The following FER1L6 variants were observed in gnomAD, a reference collection of about 807,000 sequenced individuals.
The protein encoded by FER1L6 is fer-1 like family member 6.
Under a neutral mutation model 219.2 loss-of-function variants are expected in FER1L6, and 177 were observed. That is an observed-to-expected ratio of 0.81 (90% CI 0.71 to 0.91). FER1L6 has a LOEUF of 0.91. FER1L6 is among the 40% of genes least tolerant of loss of function. The pLI, the probability that FER1L6 is intolerant of heterozygous loss-of-function variation, is 0.00. For synonymous variants in FER1L6, 768 were observed against 824.3 expected, an observed-to-expected ratio of 0.93 and a Z score of 1.17; for missense variants, 2,153 against 2,259.9, an observed-to-expected ratio of 0.95 and a Z score of 0.96.
intron 1 of FER1L6, among the ~76,000 whole-genome samples, chr8:123,931,582 A>C (rs1049165208): frequency 6.6e-6 from 1 of 152,248 alleles, no homozygotes; most frequent in Non-Finnish European, 1.5e-5. Context: ...CAGTGCAGGA[A>C]AGACCTGTTA....
At position 123,966,196 on chromosome 8, in the gene FER1L6, G is replaced by A. The variant is rs751888205; in HGVS notation, c.290G>A (p.Gly97Asp). 8 of 1,614,012 alleles carry A rather than the reference G, an allele frequency of 5.0e-6. No homozygotes were observed. In the East Asian group the frequency reaches 1.3e-4, roughly 27 times the overall value. Residue 97 changes from glycine (G) to aspartate (D), a missense_variant, in exon 5 of 41, where the codon GGT becomes GAT. Physicochemically the swap from Gly to Asp is moderately conservative, Grantham distance 94. Coordinates refer to ENST00000522917, the MANE Select transcript of FER1L6 (RefSeq NM_001039112.2). ...ATCACCGAGGCTCGCCAGCTGGTGG[G>A]TGAGAACATTGACCCAGTTGTGACC... Reference protein sequence around the residue: ...ITITEARQLVGENIDPVVTIE... With the variant: ...ITITEARQLVDENIDPVVTIE...
chr8:123,888,787 A>G (rs1817250816), intron 1 of FER1L6, among the ~76,000 whole-genome samples: 1 of 152,164 alleles, frequency 6.6e-6, no homozygotes, highest in Non-Finnish European at 1.5e-5. Context: ...GGCAAAAGCT[A>G]TTGGATGTTT....
chr8:123,870,325 T>C (rs924235525), intron 1 of FER1L6, among the ~76,000 whole-genome samples: 4 of 152,194 alleles, frequency 2.6e-5, no homozygotes, highest in Non-Finnish European at 5.9e-5. Flanking sequence ...TGAAAACCGA[T>C]GTCCACAGAA....
chr8:124,049,532 G>C, intron 21 of FER1L6, 75 bp from the exon 22 acceptor site: 2 of 1,493,260 alleles, frequency 1.3e-6, no homozygotes, highest in East Asian at 2.3e-5. Context: ...TTTTGTGGAG[G>C]TGATGGCATT....
chr8:124,082,630 T>C (rs2130914643), intron 33 of FER1L6, among the ~76,000 whole-genome samples, 172 bp downstream of exon 33: 1 of 152,250 alleles, frequency 6.6e-6, no homozygotes, highest in East Asian at 1.9e-4. Flanking sequence ...CTCTGTTCAG[T>C]GCATTTGAGA....
At chr8:124,050,032 T>TTGCAGGCCTCCA (rs1292509839) in intron 22 of FER1L6, among the ~76,000 whole-genome samples, 2 of 152,280 alleles carry the variant, frequency 1.3e-5, no homozygotes, top group East Asian at 3.9e-4. Flanking sequence ...ATTCCTGAGC[T>TTGCAGGCCTCCA]TGCAGGCCTC....
At position 124,094,951 on chromosome 8, in the gene FER1L6, G is replaced by T; in HGVS notation, c.4608G>T (p.Glu1536Asp). The change falls in exon 35 of 41, where the codon GAG becomes GAT. Residue 1536 changes from glutamate (E) to aspartate (D), a missense_variant. Transcript: ENST00000522917. Reference protein sequence around the residue: ...HLALKVLHSWEDIPEVGCRLV... With the variant: ...HLALKVLHSWDDIPEVGCRLV... ...CCCTCAAGGTTTTACACTCTTGGGA[G>T]GATATCCCGGAAGTCGGGTGTAGGC... The T allele has an allele frequency of 6.2e-7, 1 of 1,614,124 alleles. No individual in the cohort carries two copies. Among genetic ancestry groups the T allele is most frequent in the Non-Finnish European group, 8.5e-7 (1 of 1,179,960 alleles).
intron 10 of FER1L6, among the ~76,000 whole-genome samples, chr8:123,978,419 AATCCACTG>A (rs1355986146): frequency 1.3e-5 from 2 of 151,948 alleles, no homozygotes; most frequent in Non-Finnish European, 2.9e-5. Flanking sequence ...TAGCTCAGCT[AATCCACTG>A]AGCCAGCCAG....
chr8:123,981,241 T>C (rs777963326), intron 11 of FER1L6, among the ~76,000 whole-genome samples: 1 of 151,984 alleles, frequency 6.6e-6, no homozygotes, highest in Non-Finnish European at 1.5e-5. Context: ...ATATAAGAAA[T>C]TGAGAAACCT....
At chr8:123,869,356 C>G (rs1312599146) in intron 1 of FER1L6, among the ~76,000 whole-genome samples, 1 of 152,166 alleles carries the variant, frequency 6.6e-6, no homozygotes, top group Non-Finnish European at 1.5e-5. Flanking sequence ...TGCTCTGTAT[C>G]TGTATATCCA....
rs371282343 is a variant in FER1L6 at position 123,975,289 on chromosome 8, C to T, written c.666C>T (p.Thr222=). The T allele has an allele frequency of 1.7e-5, 27 of 1,608,978 alleles. No homozygotes were observed. Among genetic ancestry groups the T allele is most frequent in the East Asian group, 8.9e-5 (4 of 44,704 alleles). The part of the protein sequence containing the change: ...VLKTSPKTSD[T]EEPIEKNLLI... The stretch of plus-strand genomic sequence containing the variant: ...AGACCAGCCCTAAAACTTCTGACAC[C>T]GAGGAGCCAATAGAAAAGTAAGACA... The change falls in exon 8 of 41, where the codon ACC becomes ACT. Residue 222 remains threonine, a synonymous_variant. Transcript: ENST00000522917.
intron 39 of FER1L6, among the ~76,000 whole-genome samples, chr8:124,106,350 A>C (rs976891901): frequency 8.6e-5 from 13 of 150,620 alleles, no homozygotes; most frequent in South Asian, 4.2e-4. Context: ...AAAAAAAAAA[A>C]AAAAAAAAAA....
intron 1 of FER1L6, among the ~76,000 whole-genome samples, chr8:123,937,186 C>G (rs920120919): frequency 6.6e-6 from 1 of 152,172 alleles, no homozygotes; most frequent in Non-Finnish European, 1.5e-5. Context: ...GGATTACAGG[C>G]GTGAGCCACC....
intron 26 of FER1L6, among the ~76,000 whole-genome samples, chr8:124,065,954 A>C (rs1820813486): frequency 6.6e-6 from 1 of 152,228 alleles, no homozygotes; most frequent in African/African-American, 2.4e-5. Flanking sequence ...AATTGCCTAA[A>C]TTATGTACTT....
rs7841566 is a variant in FER1L6, at chr8:123,854,875, C to A, written c.-8+2690C>A. Among the ~76,000 whole-genome samples the A allele has an allele frequency of 9.9e-3, 1,504 of 152,298 alleles. 21 individuals carry two copies. The highest frequency in any genetic ancestry group is 0.034 in the African/African-American group (1,424 of 41,554). On this transcript the variant is annotated intron_variant, in intron 1 of 40. Coordinates refer to ENST00000522917, the MANE Select transcript of FER1L6 (RefSeq NM_001039112.2). ...CTGCTATACACTTACCATAATCTGTCTCGTATCCTAGTTTGTTAAAATTTT... is the reference window on the plus strand; with the variant it reads ...CTGCTATACACTTACCATAATCTGTATCGTATCCTAGTTTGTTAAAATTTT...
At chr8:124,065,188 G>A (rs7827774) in intron 26 of FER1L6, among the ~76,000 whole-genome samples, 2,977 of 151,796 alleles carry the variant, frequency 0.02, 92 homozygotes, top group African/African-American at 0.069. Flanking sequence ...GAGGCCAGGA[G>A]TTCAAGACCA....
intron 28 of FER1L6, among the ~76,000 whole-genome samples, chr8:124,069,067 G>A (rs1393052574): frequency 6.6e-6 from 1 of 151,892 alleles, no homozygotes; most frequent in Non-Finnish European, 1.5e-5. Context: ...CTCCCGAGTA[G>A]CTGGGACTAC....
At chr8:123,885,803 G>T (rs1348095969) in intron 1 of FER1L6, among the ~76,000 whole-genome samples, 1 of 152,166 alleles carries the variant, frequency 6.6e-6, no homozygotes, top group Non-Finnish European at 1.5e-5. Context: ...TTGAGCCCAG[G>T]TGCAAGTAAT....
intron 1 of FER1L6, among the ~76,000 whole-genome samples, chr8:123,895,805 T>C (rs1490674810): frequency 6.6e-6 from 1 of 152,178 alleles, no homozygotes; most frequent in African/African-American, 2.4e-5. Flanking sequence ...GCATTAACTA[T>C]TGTCTCGCCC....
Sources: allele counts gnomAD v4.1 joint callset (sites outside exome capture counted in the v4.1 genomes callset), GRCh38; gene constraint gnomAD v4.1.1; transcripts MANE v1.5; gene names NCBI Gene and HGNC (gene_info 2026-07-23, HGNC 2026-07-21).